The following KLHL29 variants were observed in gnomAD, a reference collection of about 807,000 sequenced individuals.
KLHL29 encodes kelch like family member 29, also known as kelch-like protein 29.
KLHL29 carries 21 observed loss-of-function variants against 80.4 expected under a neutral mutation model. That is an observed-to-expected ratio of 0.26 (90% confidence interval 0.19 to 0.38). The LOEUF (loss-of-function observed/expected upper bound fraction) is 0.38, where lower values mean the gene tolerates loss of function less well. Ranked by LOEUF, KLHL29 falls within the 10% of genes least tolerant of loss-of-function variation. KLHL29 has a pLI of 1.00. For missense variants in KLHL29, 867 were observed against 1,223.9 expected, an observed-to-expected ratio of 0.71 and a Z score of 4.35; for synonymous variants, 511 against 526.8, an observed-to-expected ratio of 0.97 and a Z score of 0.41.
intron 3 of KLHL29, among the ~76,000 whole-genome samples, chr2:23,615,071 C>T (rs1050147624): frequency 3.3e-5 from 5 of 152,126 alleles, no homozygotes; most frequent in East Asian, 3.9e-4. Flanking sequence ...TTTCACAGCT[C>T]GGCGCTTCTT....
At chr2:23,637,175 ACAGGCTCCT>A (rs1669634985) in intron 3 of KLHL29, among the ~76,000 whole-genome samples, 1 of 152,166 alleles carries the variant, frequency 6.6e-6, no homozygotes, top group Non-Finnish European at 1.5e-5. Context: ...GGGACTTGGC[ACAGGCTCCT>A]TCTCCCTCAG....
chr2:23,460,826 A>G (rs1270483718), intron 1 of KLHL29, among the ~76,000 whole-genome samples: 1 of 151,610 alleles, frequency 6.6e-6, no homozygotes. Flanking sequence ...GCTTCCCGTG[A>G]AGGGAGCATC....
At position 23,684,551 on chromosome 2, in the gene KLHL29, C is replaced by T; in HGVS notation, c.1079+14C>T. ...CCTGATTCAAAGGTTTGCCTTCCTT[C>T]CAGCTGTGGTCGGGTCTGTTCCTTT... is the stretch of plus-strand genomic sequence containing the variant. On this transcript the variant is annotated intron_variant, in intron 6 of 13. Coordinates refer to ENST00000486442, the MANE Select transcript of KLHL29 (RefSeq NM_052920.2). The surrounding 1 kb of genome is among the most constrained non-coding windows in gnomAD (Gnocchi z 4.4). 6 of 1,541,920 alleles carry T rather than the reference C, an allele frequency of 3.9e-6. No individual in the cohort carries two copies. Among genetic ancestry groups the T allele is most frequent in the Non-Finnish European group, 5.2e-6 (6 of 1,143,826 alleles).
At chr2:23,536,354 T>TGTGGAC (rs999380390) in intron 2 of KLHL29, among the ~76,000 whole-genome samples, 1 of 152,192 alleles carries the variant, frequency 6.6e-6, no homozygotes, top group Non-Finnish European at 1.5e-5. Context: ...GAGTACGCTG[T>TGTGGAC]GTGGACGGCA....
chr2:23,576,226 A>G (rs1410456638), intron 3 of KLHL29, among the ~76,000 whole-genome samples: 2 of 149,500 alleles, frequency 1.3e-5, no homozygotes, highest in African/African-American at 5.0e-5. Flanking sequence ...AATCGCTTGA[A>G]CCCAGGAGGC....
At chr2:23,646,121 AAAG>A (rs1177264918) in intron 5 of KLHL29, among the ~76,000 whole-genome samples, 1 of 152,162 alleles carries the variant, frequency 6.6e-6, no homozygotes, top group Non-Finnish European at 1.5e-5. Context: ...AGGGAGGAAA[AAAG>A]AATTCGTTCC....
intron 5 of KLHL29, among the ~76,000 whole-genome samples, chr2:23,677,474 T>C (rs912612686): frequency 4.8e-4 from 73 of 152,326 alleles, no homozygotes; most frequent in African/African-American, 1.7e-3. Context: ...TTTGCCTGCA[T>C]AGGGCCTCAG....
At chr2:23,394,506 A>C (rs4574070) in intron 1 of KLHL29, among the ~76,000 whole-genome samples, 1 of 152,040 alleles carries the variant, frequency 6.6e-6, no homozygotes, top group Non-Finnish European at 1.5e-5. Flanking sequence ...ATCAACAAAC[A>C]TGGGTGCCAG....
chr2:23,549,788 G>C (rs1007889330), intron 2 of KLHL29, among the ~76,000 whole-genome samples: 6 of 152,346 alleles, frequency 3.9e-5, no homozygotes, highest in African/African-American at 1.4e-4. Context: ...CCCCTCTGTC[G>C]GGGAGAGATG....
At chr2:23,536,918 A>ACTCTCTCT (rs1553336407) in intron 2 of KLHL29, among the ~76,000 whole-genome samples, 4 of 140,644 alleles carry the variant, frequency 2.8e-5, no homozygotes, top group African/African-American at 1.1e-4. Flanking sequence ...ACACACACAC[A>ACTCTCTCT]CTCTCTCTCT....
At chr2:23,535,566 TAAAAA>T (rs1666635454) in intron 2 of KLHL29, among the ~76,000 whole-genome samples, 1 of 152,188 alleles carries the variant, frequency 6.6e-6, no homozygotes, top group Non-Finnish European at 1.5e-5. Flanking sequence ...TATCTAGCCT[TAAAAA>T]GAAAGGGAAT....
intron 1 of KLHL29, among the ~76,000 whole-genome samples, chr2:23,470,755 C>T (rs1035142188): frequency 1.3e-5 from 2 of 152,096 alleles, no homozygotes; most frequent in African/African-American, 4.8e-5. Context: ...GCAATCTCTG[C>T]GTTGTGCTGG....
At chr2:23,611,337 G>A (rs1264134283) in intron 3 of KLHL29, among the ~76,000 whole-genome samples, 1 of 152,194 alleles carries the variant, frequency 6.6e-6, no homozygotes, top group South Asian at 2.1e-4. Flanking sequence ...AGAGGACCAG[G>A]ATTGGAACCC....
At chr2:23,434,325 A>AC (rs1663275994) in intron 1 of KLHL29, among the ~76,000 whole-genome samples, 1 of 148,444 alleles carries the variant, frequency 6.7e-6, no homozygotes, top group Non-Finnish European at 1.5e-5. Context: ...CGTCTCAAAA[A>AC]AAAAAAAAAA....
At position 23,493,701 on chromosome 2, in the gene KLHL29, G is replaced by A. The variant is rs373624149; in HGVS notation, c.-46+18034G>A. Among the ~76,000 whole-genome samples, 409 of 152,200 alleles carry A rather than the reference G, an allele frequency of 2.7e-3. 12 individuals are homozygous for A. In the South Asian group the frequency reaches 0.058, roughly 21 times the overall value. On this transcript the variant is annotated intron_variant, in intron 2 of 13. Transcript: ENST00000486442. ...TGTATGTGTGTGTGCATGTTTATGC[G>A]TGTGTGTCTGTGTCTGTGTGTCCGT...
At chr2:23,640,540 C>G (rs1312292911) in intron 4 of KLHL29, among the ~76,000 whole-genome samples, 1 of 152,208 alleles carries the variant, frequency 6.6e-6, no homozygotes, top group Non-Finnish European at 1.5e-5. Context: ...GACACCCAGG[C>G]TGGCTCATAA....
intron 5 of KLHL29, among the ~76,000 whole-genome samples, chr2:23,656,486 G>T (rs1157074614): frequency 6.6e-6 from 1 of 152,244 alleles, no homozygotes; most frequent in Admixed American, 6.5e-5. Flanking sequence ...TATCATGTTT[G>T]CATCACCCAT....
intron 3 of KLHL29, among the ~76,000 whole-genome samples, chr2:23,568,354 C>G (rs1437373495): frequency 2.0e-5 from 3 of 152,318 alleles, no homozygotes; most frequent in African/African-American, 7.2e-5. Flanking sequence ...CTGGTCAGTA[C>G]TGGTCTGGGC....
At chr2:23,557,663 G>A (rs1287222600) in intron 2 of KLHL29, among the ~76,000 whole-genome samples, 1 of 152,026 alleles carries the variant, frequency 6.6e-6, no homozygotes, top group Non-Finnish European at 1.5e-5. Context: ...GGTTTTACTG[G>A]GGCCTAGGAG....
Sources: gnomAD v4.1 joint callset for allele counts (sites outside exome capture counted in the v4.1 genomes callset) on GRCh38, gnomAD v4.1.1 for gene constraint, Gnocchi (gnomAD v3.1) non-coding constraint, MANE v1.5 for transcripts, NCBI Gene and HGNC (gene_info 2026-07-23, HGNC 2026-07-21) for gene names.